The following KCND3 variants were observed in gnomAD, a reference collection of about 807,000 sequenced individuals.
The protein encoded by KCND3 is A-type voltage-gated potassium channel KCND3.
Under a neutral mutation model 51.1 loss-of-function variants are expected in KCND3, and 9 were observed. That is an observed-to-expected ratio of 0.18 (90% CI 0.11 to 0.31). The LOEUF is 0.31. KCND3 is among the 10% of genes least tolerant of loss of function. The pLI, the probability that KCND3 is intolerant of heterozygous loss-of-function variation, is 1.00. For synonymous variants in KCND3, 349 were observed against 368.0 expected (o/e 0.95, Z 0.59); for missense variants, 526 against 903.8 (o/e 0.58, Z 5.36).
At chr1:111,970,643 C>T (rs1674278225) in intron 2 of KCND3, among the ~76,000 whole-genome samples, 1 of 152,172 alleles carries the variant, frequency 6.6e-6, no homozygotes, top group Non-Finnish European at 1.5e-5. Flanking sequence ...GACTAAAGCT[C>T]CTAATGAAGC....
At chr1:111,876,128 T>C (rs1170676835) in intron 2 of KCND3, among the ~76,000 whole-genome samples, 1 of 152,186 alleles carries the variant, frequency 6.6e-6, no homozygotes, top group African/African-American at 2.4e-5. Flanking sequence ...ATATAATAGC[T>C]CAAGGGCTAA....
chr1:111,954,610 G>C (rs1228950755), intron 2 of KCND3, among the ~76,000 whole-genome samples: 2 of 152,192 alleles, frequency 1.3e-5, no homozygotes, highest in East Asian at 3.8e-4. Flanking sequence ...TGCCAGAGTG[G>C]GATTCTGGCT....
intron 2 of KCND3, among the ~76,000 whole-genome samples, chr1:111,938,604 T>C (rs925825109): frequency 6.6e-6 from 1 of 152,120 alleles, no homozygotes; most frequent in Non-Finnish European, 1.5e-5. Context: ...GAATGCCTCT[T>C]CCATCAGTGG....
chr1:111,874,866 A>G (rs1482645946), intron 2 of KCND3, among the ~76,000 whole-genome samples: 3 of 152,160 alleles, frequency 2.0e-5, no homozygotes, highest in African/African-American at 7.2e-5. Flanking sequence ...CTGCTAAAAA[A>G]CTGCTTCAAA....
At chr1:111,978,773 A>G (rs528730235) in intron 2 of KCND3, among the ~76,000 whole-genome samples, 1 of 152,322 alleles carries the variant, frequency 6.6e-6, no homozygotes, top group Non-Finnish European at 1.5e-5. Context: ...GAGGACAAGT[A>G]GGTCTAGAAG....
intron 2 of KCND3, among the ~76,000 whole-genome samples, chr1:111,977,282 G>A (rs1303692253): frequency 1.3e-5 from 2 of 152,206 alleles, no homozygotes; most frequent in Non-Finnish European, 2.9e-5. Flanking sequence ...TTCTGGCACT[G>A]TGGGGAGGCT....
intron 2 of KCND3, among the ~76,000 whole-genome samples, chr1:111,907,643 T>C (rs1670710544): frequency 6.6e-6 from 1 of 152,250 alleles, no homozygotes; most frequent in Admixed American, 6.5e-5. Context: ...TGAATGTTTG[T>C]CATTTTTAGG....
chr1:111,782,053 G>A (rs1229719894), intron 3 of KCND3, among the ~76,000 whole-genome samples: 1 of 152,140 alleles, frequency 6.6e-6, no homozygotes, highest in Admixed American at 6.5e-5. Context: ...GGAGTAGAAG[G>A]TCCCTCCTCC....
rs886611563 is a variant in KCND3, at chr1:111,853,570, G to C, written c.1107-66464C>G. Among the ~76,000 whole-genome samples, 9 of 152,092 alleles carry C rather than the reference G, an allele frequency of 5.9e-5. No individual in the cohort carries two copies. The South Asian group carries it at 1.4e-3, about 24-fold the overall frequency. ...ACAAAGCCCACCCCGGCACTCCATA[G>C]CCTCATTCTTTGCTTTGTGTTGTTC... On this transcript the variant is annotated intron_variant, in intron 2 of 7. Transcript: ENST00000302127.
At chr1:111,915,433 A>G (rs570326845) in intron 2 of KCND3, among the ~76,000 whole-genome samples, 118 of 152,300 alleles carry the variant, frequency 7.7e-4, no homozygotes, top group Admixed American at 2.2e-3. Context: ...GAACAAAAAA[A>G]GATATACCAA....
intron 2 of KCND3, among the ~76,000 whole-genome samples, chr1:111,866,927 C>T (rs1242591502): frequency 1.3e-5 from 2 of 152,152 alleles, no homozygotes; most frequent in Non-Finnish European, 2.9e-5. Context: ...CCCAAGGAAG[C>T]CATTTGAAGG....
intron 2 of KCND3, among the ~76,000 whole-genome samples, chr1:111,928,935 T>A (rs1432557132): frequency 3.9e-5 from 6 of 152,134 alleles, no homozygotes; most frequent in Non-Finnish European, 8.8e-5. Flanking sequence ...ACAGATGAGA[T>A]AACAAGCCTG....
rs946542658 is a variant in KCND3, at chr1:111,982,616, C to A, written c.111G>T (p.Arg37=). 1 of 1,613,962 alleles carries A rather than the reference C, an allele frequency of 6.2e-7. No homozygotes were observed. The highest frequency in any genetic ancestry group is 8.5e-7 in the Non-Finnish European group (1 of 1,179,896). The change falls in exon 2 of 8, where the codon CGG becomes CGT. Residue 37 remains arginine (R), a synonymous_variant. Transcript: ENST00000302127. The surrounding 1 kb of genome is among the most constrained non-coding windows in gnomAD (Gnocchi z 8.5). The stretch of plus-strand genomic sequence containing the variant: ...CGTTGAGGACAATCAGCTCATCCTG[C>A]CGCTTGTTCTTGTCGGCCGGGGCCA... ...MPLAPADKNK[R]QDELIVLNVS...
At chr1:111,797,634 G>A (rs1665113987) in intron 2 of KCND3, among the ~76,000 whole-genome samples, 1 of 152,154 alleles carries the variant, frequency 6.6e-6, no homozygotes, top group Non-Finnish European at 1.5e-5. Flanking sequence ...GCACAAAGGA[G>A]GGGCCTCTAA....
chr1:111,864,830 C>G (rs1471240937), intron 2 of KCND3, among the ~76,000 whole-genome samples: 1 of 152,002 alleles, frequency 6.6e-6, no homozygotes, highest in East Asian at 1.9e-4. Context: ...AGGAGTAAGA[C>G]AGTAGTGTGC....
intron 2 of KCND3, among the ~76,000 whole-genome samples, chr1:111,807,717 T>A (rs924376959): frequency 3.3e-5 from 5 of 152,186 alleles, no homozygotes; most frequent in African/African-American, 1.2e-4. Context: ...GGTTTGTAGC[T>A]TAGGAGCAAT....
Position 111,981,512 on chromosome 1 carries a change from G to T in KCND3, c.1106+109C>A. On this transcript the variant is annotated intron_variant, in intron 2 of 7. Transcript: ENST00000302127. This position sits in a 1 kb window ranked among gnomAD's most constrained non-coding sequence, Gnocchi z 6.2. ...AACTTCCCCTGCCCCCAACACTTGG[G>T]TAAGGGACTCCCTCCTCCTCTACCC... The T allele has an allele frequency of 6.6e-7, 1 of 1,519,186 alleles. No homozygotes were observed. Among genetic ancestry groups the T allele is most frequent in the Non-Finnish European group, 9.1e-7 (1 of 1,097,532 alleles). 94.1% of individuals were successfully genotyped at this position (1,519,186 alleles called of 1,614,324 possible).
At chr1:111,790,445 GA>G (rs1157574472) in intron 2 of KCND3, among the ~76,000 whole-genome samples, 1 of 152,154 alleles carries the variant, frequency 6.6e-6, no homozygotes, top group Admixed American at 6.5e-5. Context: ...AAACTGTCCA[GA>G]TAAGCTGCCA....
chr1:111,783,983 G>A (rs1664498753), intron 3 of KCND3, among the ~76,000 whole-genome samples: 1 of 152,160 alleles, frequency 6.6e-6, no homozygotes, highest in Non-Finnish European at 1.5e-5. Context: ...ATGGTTGCCA[G>A]GGGTTAGGGA....
Sources: gnomAD v4.1 joint callset for allele counts (sites outside exome capture counted in the v4.1 genomes callset) on GRCh38, gnomAD v4.1.1 for gene constraint, Gnocchi (gnomAD v3.1) non-coding constraint, MANE v1.5 for transcripts, NCBI Gene and HGNC (gene_info 2026-07-23, HGNC 2026-07-21) for gene names.